The following PPP1R12B variants were observed in gnomAD, a reference collection of about 807,000 sequenced individuals.
PPP1R12B encodes myosin phosphatase target subunit 2.
A neutral mutation model predicts 126.1 loss-of-function variants in PPP1R12B; 76 were observed. That is an observed-to-expected ratio of 0.60 (90% CI 0.50 to 0.73). The LOEUF (loss-of-function observed/expected upper bound fraction) is 0.73, where lower values mean the gene tolerates loss of function less well. Ranked by LOEUF, PPP1R12B falls within the 30% of genes least tolerant of loss-of-function variation. The pLI is 0.00. For missense variants in PPP1R12B, 1,052 were observed against 1,205.1 expected, an observed-to-expected ratio of 0.87 and a Z score of 1.88; for synonymous variants, 356 against 434.7, an observed-to-expected ratio of 0.82 and a Z score of 2.25.
chr1:202,518,293 G>T (rs1255763924), intron 18 of PPP1R12B, among the ~76,000 whole-genome samples: 1 of 152,146 alleles, frequency 6.6e-6, no homozygotes, highest in African/African-American at 2.4e-5. Context: ...GATTTAGCTC[G>T]TTTAGCTATT....
At chr1:202,469,692 GA>G (rs1047772337) in intron 13 of PPP1R12B, among the ~76,000 whole-genome samples, 2 of 149,980 alleles carry the variant, frequency 1.3e-5, no homozygotes, top group Non-Finnish European at 3.0e-5. Context: ...ACTCAAAAAA[GA>G]AAAAAAAATA....
Position 202,434,749 on chromosome 1 carries a change from C to T in PPP1R12B, c.1235C>T (p.Ser412Phe), listed in dbSNP as rs141106365. Residue 412 changes from serine (S) to phenylalanine (F), a missense_variant, in exon 9 of 24, where the codon TCT becomes TTT. By Grantham distance (155) the Ser-to-Phe change is radical. Coordinates refer to ENST00000608999, the MANE Select transcript of PPP1R12B (RefSeq NM_002481.4). ...CCAGCACCAGCTCAAAATACCTTCTCTGCCTCTTCTGCTAGGAGGGTGAGT... is the reference window on the plus strand; with the variant it reads ...CCAGCACCAGCTCAAAATACCTTCTTTGCCTCTTCTGCTAGGAGGGTGAGT... ...QIPAPAQNTF[S>F]ASSARRFSSG... The T allele has an allele frequency of 3.1e-6, 5 of 1,613,916 alleles. No homozygotes were observed. In the African/African-American group the frequency reaches 5.3e-5, roughly 17 times the overall value.
At chr1:202,488,142 A>G (rs779746767) in intron 13 of PPP1R12B, among the ~76,000 whole-genome samples, 51 of 152,266 alleles carry the variant, frequency 3.3e-4, no homozygotes, top group Non-Finnish European at 6.0e-4. Context: ...TTACTTGAAC[A>G]TAAACACCGT....
intron 13 of PPP1R12B, among the ~76,000 whole-genome samples, chr1:202,469,255 G>C (rs758720133): frequency 2.6e-5 from 4 of 151,950 alleles, no homozygotes; most frequent in Non-Finnish European, 4.4e-5. Context: ...ACTTTTTTTT[G>C]TTATAATCTA....
intron 1 of PPP1R12B, among the ~76,000 whole-genome samples, chr1:202,407,638 A>C (rs1666806544): frequency 6.6e-6 from 1 of 152,178 alleles, no homozygotes. Context: ...GATGATTTCC[A>C]CTTAAGCAGT....
chr1:202,497,806 G>T (rs1679746702), intron 18 of PPP1R12B, among the ~76,000 whole-genome samples: 1 of 152,192 alleles, frequency 6.6e-6, no homozygotes, highest in South Asian at 2.1e-4. Flanking sequence ...GTGTGTGCCT[G>T]TGTGTATGTG....
chr1:202,361,275 A>C (rs1024871460), intron 1 of PPP1R12B, among the ~76,000 whole-genome samples: 5 of 152,206 alleles, frequency 3.3e-5, no homozygotes, highest in Admixed American at 6.5e-5. Flanking sequence ...TAATTTATAA[A>C]GAAAAGAGGT....
intron 18 of PPP1R12B, among the ~76,000 whole-genome samples, chr1:202,547,947 T>C (rs1336099152): frequency 6.6e-6 from 1 of 152,248 alleles, no homozygotes; most frequent in Non-Finnish European, 1.5e-5. Flanking sequence ...GTAATATCAA[T>C]AGCTAAAATT....
At chr1:202,556,044 T>G (rs1336506091) in intron 18 of PPP1R12B, among the ~76,000 whole-genome samples, 1 of 152,002 alleles carries the variant, frequency 6.6e-6, no homozygotes, top group Non-Finnish European at 1.5e-5. Context: ...CCCAGCTAAT[T>G]TTTGTATTTT....
At chr1:202,473,731 T>C (rs1345547963) in intron 13 of PPP1R12B, among the ~76,000 whole-genome samples, 2 of 152,212 alleles carry the variant, frequency 1.3e-5, no homozygotes, top group African/African-American at 4.8e-5. Flanking sequence ...TTCCCTTTTC[T>C]CCTCCCCTTC....
chr1:202,488,306 A>G (rs978872666), intron 13 of PPP1R12B, among the ~76,000 whole-genome samples: 4 of 152,238 alleles, frequency 2.6e-5, no homozygotes, highest in Non-Finnish European at 5.9e-5. Context: ...ACAGTTCACC[A>G]TGGGTACTGA....
chr1:202,504,134 C>CTAAA (rs1558309833), intron 18 of PPP1R12B, among the ~76,000 whole-genome samples: 1 of 152,090 alleles, frequency 6.6e-6, no homozygotes, highest in Admixed American at 6.5e-5. Context: ...GTGGCTCACG[C>CTAAA]GTGTAATCCC....
chr1:202,524,285 A>G (rs1201054049), intron 18 of PPP1R12B, among the ~76,000 whole-genome samples: 2 of 152,228 alleles, frequency 1.3e-5, no homozygotes, highest in Non-Finnish European at 2.9e-5. Flanking sequence ...AGCAACTGAT[A>G]GGATAGAGTT....
chr1:202,448,805 T>TTA (rs1558241398), intron 12 of PPP1R12B, among the ~76,000 whole-genome samples, 184 bp from the exon 13 acceptor site: 1 of 152,206 alleles, frequency 6.6e-6, no homozygotes, highest in African/African-American at 2.4e-5. Context: ...GCAAAGGATG[T>TTA]CAGACTAAAC....
At chr1:202,549,957 G>A (rs1460022067) in intron 18 of PPP1R12B, among the ~76,000 whole-genome samples, 1 of 152,128 alleles carries the variant, frequency 6.6e-6, no homozygotes, top group Non-Finnish European at 1.5e-5. Flanking sequence ...AGGAGTCAGA[G>A]GCCACACACA....
chr1:202,406,892 A>G (rs1436242390), intron 1 of PPP1R12B, among the ~76,000 whole-genome samples: 1 of 152,224 alleles, frequency 6.6e-6, no homozygotes, highest in Admixed American at 6.5e-5. Flanking sequence ...TTGAGCTGAA[A>G]GAAAGTCATA....
intron 2 of PPP1R12B, among the ~76,000 whole-genome samples, chr1:202,417,698 CT>C (rs1017420973): frequency 1.3e-5 from 2 of 152,040 alleles, no homozygotes; most frequent in African/African-American, 4.8e-5. Context: ...GGTAAATTTC[CT>C]AAATAAAATC....
intron 1 of PPP1R12B, among the ~76,000 whole-genome samples, chr1:202,385,895 A>G (rs1021659626): frequency 1.3e-5 from 2 of 151,748 alleles, no homozygotes; most frequent in Non-Finnish European, 2.9e-5. Flanking sequence ...AGACTGCTGT[A>G]ACCATAAGAT....
chr1:202,514,233 CT>C (rs775943940), intron 18 of PPP1R12B, among the ~76,000 whole-genome samples: 5 of 151,906 alleles, frequency 3.3e-5, no homozygotes, highest in Admixed American at 6.6e-5. Context: ...TGTATGTCTT[CT>C]TTTGAAAAGT....
Sources: allele counts gnomAD v4.1 joint callset (sites outside exome capture counted in the v4.1 genomes callset), GRCh38; gene constraint gnomAD v4.1.1; transcripts MANE v1.5; gene names NCBI Gene and HGNC (gene_info 2026-07-23, HGNC 2026-07-21).